PPIP5K1: variants seen among roughly 807,000 people sequenced by gnomAD.
PPIP5K1 encodes diphosphoinositol pentakisphosphate kinase 1, also known as inositol hexakisphosphate and diphosphoinositol-pentakisphosphate kinase 1.
Under a neutral mutation model 27.7 loss-of-function variants are expected in PPIP5K1, and 6 were observed. The observed-to-expected ratio is 0.22, with a 90% confidence interval of 0.12 to 0.43. The LOEUF (loss-of-function observed/expected upper bound fraction) is 0.43. Among genes scored for constraint, PPIP5K1 ranks in the 20% least tolerant of loss-of-function variants. The probability of loss-of-function intolerance (pLI) is 1.00; values close to 1 mark genes in which losing one functional copy is unlikely to be tolerated. For missense variants in PPIP5K1, 394 were observed against 635.4 expected, an observed-to-expected ratio of 0.62 and a Z score of 4.08; for synonymous variants, 145 against 242.6, an observed-to-expected ratio of 0.60 and a Z score of 3.74.
At chr15:43,553,645 T>TG (rs1229263370) in intron 30 of PPIP5K1, among the ~76,000 whole-genome samples, 1 of 148,124 alleles carries the variant, frequency 6.8e-6, no homozygotes, top group East Asian at 2.0e-4. Flanking sequence ...ATTTTCTGTG[T>TG]GTTTTTTTTT....
At chr15:43,549,056 A>AATATATATATATATATATATAT (rs762219321) in intron 30 of PPIP5K1, among the ~76,000 whole-genome samples, 4 of 54,268 alleles carry the variant, frequency 7.4e-5, no homozygotes, top group African/African-American at 5.4e-4. Context: ...AAAAAAAAAA[A>AATATATATATATATATATATAT]ATATATATAT....
At chr15:43,539,889 A>C (rs1189027439) in intron 30 of PPIP5K1, among the ~76,000 whole-genome samples, 2 of 152,202 alleles carry the variant, frequency 1.3e-5, no homozygotes, top group African/African-American at 4.8e-5. Flanking sequence ...CTGCATGCTA[A>C]AGTGTTTTAA....
At position 43,546,806 on chromosome 15, in the gene PPIP5K1, A is replaced by T. The variant is rs537869386; in HGVS notation, c.3557-7223T>A. The stretch of plus-strand genomic sequence containing the variant: ...TGAGTAGCTGGGACTACAGGTGTGC[A>T]CCACCATGCCCAGGTAACTTTCTGT... On this transcript the variant is annotated intron_variant, in intron 30 of 31. Coordinates refer to ENST00000420765, the MANE Select transcript of PPIP5K1 (RefSeq NM_001394395.1). 5.9e-5 allele frequency among the ~76,000 whole-genome samples: 9 copies of T among 151,682 alleles called. No homozygotes were observed. In the South Asian group the frequency reaches 1.9e-3, roughly 32 times the overall value.
chr15:43,546,883 TC>T (rs1347292990), intron 30 of PPIP5K1, among the ~76,000 whole-genome samples: 11 of 151,648 alleles, frequency 7.3e-5, no homozygotes. Context: ...GGTCTTGAAC[TC>T]CTGTGCTCAA....
Position 43,549,365 on chromosome 15 carries a change from G to A in PPIP5K1, c.3556+9430C>T, listed in dbSNP as rs1322644247. On this transcript the variant is annotated intron_variant, in intron 30 of 31. Coordinates refer to ENST00000420765, the MANE Select transcript of PPIP5K1 (RefSeq NM_001394395.1). The stretch of plus-strand genomic sequence containing the variant: ...CCTTTTTCAGTTGTTCATTGCTGGT[G>A]TATATAAACACAATTGGGCCAGACA... Among the ~76,000 whole-genome samples the A allele has an allele frequency of 2.6e-5, 4 of 152,104 alleles. No individual in the cohort carries two copies. In the East Asian group the frequency reaches 7.7e-4, roughly 29 times the overall value.
intron 30 of PPIP5K1, among the ~76,000 whole-genome samples, chr15:43,542,308 G>GC (rs991393149): frequency 1.7e-4 from 25 of 151,144 alleles, no homozygotes; most frequent in African/African-American, 6.1e-4. Flanking sequence ...TGGCGGGGGG[G>GC]GGGGGCAGAG....
Position 43,534,494 on chromosome 15 carries a change from G to T in PPIP5K1, c.*180C>A. Reference sequence around the variant, plus strand: ...AACAGAAAAGGTTGCTGGCTCAAATGGCTGGTATAGTGTGATACCACTAAT... The same window carrying T: ...AACAGAAAAGGTTGCTGGCTCAAATTGCTGGTATAGTGTGATACCACTAAT... On this transcript the variant is annotated 3_prime_UTR_variant, in exon 32 of 32. Transcript: ENST00000420765. The T allele has an allele frequency of 1.8e-6, 1 of 543,314 alleles. No individual in the cohort carries two copies. Among genetic ancestry groups the T allele is most frequent in the South Asian group, 4.4e-5 (1 of 22,482 alleles). The allele number at this position is 543,314 out of a possible 1,614,324, so 33.7% of individuals were successfully genotyped here.
Position 43,549,041 on chromosome 15 carries a change from AAAAAAAAAAAAAAAAATATATAT to A in PPIP5K1, c.3557-9481_3557-9459del, listed in dbSNP as rs1429293533. ...AGACTCCATCTCAAAAAAAAAAAAA[AAAAAAAAAAAAAAAAATATATAT>A]ATATATATATATATATACATATATA... On this transcript the variant is annotated intron_variant, in intron 30 of 31. Coordinates refer to ENST00000420765, the MANE Select transcript of PPIP5K1 (RefSeq NM_001394395.1). Among the ~76,000 whole-genome samples, 20 of 92,254 alleles carry A rather than the reference AAAAAAAAAAAAAAAAATATATAT, an allele frequency of 2.2e-4. 1 individual carries two copies. The East Asian group carries it at 2.7e-3, about 13-fold the overall frequency. 60.5% of individuals were successfully genotyped at this position (92,254 alleles called of 152,430 possible).
At chr15:43,567,126 T>TG (rs1349569554) in intron 26 of PPIP5K1, among the ~76,000 whole-genome samples, 1 of 110,266 alleles carries the variant, frequency 9.1e-6, no homozygotes, top group Non-Finnish European at 1.6e-5. Flanking sequence ...GGGTTTTTTT[T>TG]TTTTTTTTGA....
Position 43,535,091 on chromosome 15 carries a change from A to G in PPIP5K1, c.4056T>C (p.Asn1352=). ...ISQQCQENHD[N]GNHTCQEVPH... ...GGACCTCCTGGCATGTGTGGTTACCATTGTCATGGTTCTCCTGGCATTGCT... is the reference window on the plus strand; with the variant it reads ...GGACCTCCTGGCATGTGTGGTTACCGTTGTCATGGTTCTCCTGGCATTGCT... The change falls in exon 32 of 32, where the codon AAT becomes AAC. Residue 1352 remains asparagine, a synonymous_variant. Coordinates refer to ENST00000420765, the MANE Select transcript of PPIP5K1 (RefSeq NM_001394395.1). 6.2e-7 allele frequency: 1 copy of G among 1,613,062 alleles called. No individual in the cohort carries two copies. Among genetic ancestry groups the G allele is most frequent in the Non-Finnish European group, 8.5e-7 (1 of 1,179,814 alleles).
intron 31 of PPIP5K1, among the ~76,000 whole-genome samples, chr15:43,537,707 AGAGAGAG>A (rs1435175478): frequency 2.7e-4 from 27 of 99,290 alleles, no homozygotes; most frequent in Admixed American, 4.4e-4. Context: ...AAAAAAAAAA[AGAGAGAG>A]AGAGAGAGAG....
chr15:43,536,832 C>A (rs72711848), intron 31 of PPIP5K1, among the ~76,000 whole-genome samples: 1 of 152,168 alleles, frequency 6.6e-6, no homozygotes, highest in Non-Finnish European at 1.5e-5. Context: ...CTTGACTAAC[C>A]TACTTTTCCC....
Position 43,535,459 on chromosome 15 carries a change from T to G in PPIP5K1, c.3688A>C (p.Ser1230Arg). ...GAAGGACCAGCACTGGACACAGTGC[T>G]AGAAGGGCCACTGCTGTCTGTAAAG... is the stretch of plus-strand genomic sequence containing the variant. ...KPPWYSSGPS[S>R]TVSSAGPSSP... Residue 1230 changes from serine (S) to arginine (R), a missense_variant, in exon 32 of 32, where the codon AGC becomes CGC. By Grantham distance (110) the Ser-to-Arg change is moderately radical. Around this residue, in one of 4 missense-constraint regions of PPIP5K1, gnomAD observed 379 missense variants for 423.9 expected, o/e 0.89. Transcript: ENST00000420765. 2.5e-6 allele frequency: 4 copies of G among 1,579,830 alleles called. No individual in the cohort carries two copies. Among genetic ancestry groups the G allele is most frequent in the Non-Finnish European group, 3.4e-6 (4 of 1,165,566 alleles).
chr15:43,552,542 A>G (rs987839889), intron 30 of PPIP5K1, among the ~76,000 whole-genome samples: 4 of 147,856 alleles, frequency 2.7e-5, no homozygotes, highest in African/African-American at 7.4e-5. Flanking sequence ...AAAAAAAAAA[A>G]AAAGAAAAAA....
chr15:43,565,618 T>C (rs1319723030), intron 26 of PPIP5K1, among the ~76,000 whole-genome samples: 13 of 136,302 alleles, frequency 9.5e-5, no homozygotes, highest in Middle Eastern at 3.2e-3. Context: ...GGCACAATCA[T>C]AGCTCACTGC....
intron 29 of PPIP5K1, among the ~76,000 whole-genome samples, chr15:43,559,454 T>G (rs553189733): frequency 6.6e-6 from 1 of 152,158 alleles, no homozygotes; most frequent in African/African-American, 2.4e-5. Context: ...CTAGAATACT[T>G]GGATGCAAAC....
intron 30 of PPIP5K1, chr15:43,548,272 T>A (rs990829263): frequency 3.3e-5 from 5 of 151,828 alleles, no homozygotes; most frequent in African/African-American, 4.8e-5. Flanking sequence ...CTATTTTTTT[T>A]ATTATTATTA....
At chr15:43,545,475 T>C (rs2081260486) in intron 30 of PPIP5K1, among the ~76,000 whole-genome samples, 1 of 131,208 alleles carries the variant, frequency 7.6e-6, no homozygotes, top group Admixed American at 7.6e-5. Flanking sequence ...TGTACACTTC[T>C]TTTTTTTTTT....
At chr15:43,567,420 A>G (rs2084243490) in intron 26 of PPIP5K1, among the ~76,000 whole-genome samples, 1 of 4,954 alleles carries the variant, frequency 2.0e-4, no homozygotes, top group Admixed American at 1.6e-3. Context: ...GCCTGGCCAG[A>G]TCTACACACT....
Sources: allele counts gnomAD v4.1 joint callset (sites outside exome capture counted in the v4.1 genomes callset), GRCh38; gene constraint gnomAD v4.1.1; regional missense constraint gnomAD v4.1.1; transcripts MANE v1.5; gene names NCBI Gene and HGNC (gene_info 2026-07-23, HGNC 2026-07-21).